CAAP1: variants seen among roughly 807,000 people sequenced by gnomAD.
CAAP1 encodes caspase activity and apoptosis inhibitor 1.
In CAAP1, 20 loss-of-function variants were observed where a neutral mutation model predicts 34.0. The observed-to-expected ratio is 0.59, with a 90% CI of 0.41 to 0.86. CAAP1 has a LOEUF of 0.86. Among genes scored for constraint, CAAP1 ranks in the 40% least tolerant of loss-of-function variants. The pLI is 0.00. For synonymous variants in CAAP1, 213 were observed against 166.7 expected (o/e 1.28, Z -2.14); for missense variants, 538 against 450.5 (o/e 1.19, Z -1.76).
intron 4 of CAAP1, among the ~76,000 whole-genome samples, chr9:26,862,379 T>C (rs17694127): frequency 0.069 from 10,555 of 152,050 alleles, 406 homozygotes; most frequent in Middle Eastern, 0.15. Context: ...TAGAATTGCA[T>C]TTAATTATTC....
At chr9:26,881,894 G>T (rs948808972) in intron 4 of CAAP1, among the ~76,000 whole-genome samples, 1 of 152,128 alleles carries the variant, frequency 6.6e-6, no homozygotes, top group Non-Finnish European at 1.5e-5. Flanking sequence ...TCCAGGGTGT[G>T]GTGGTTCCAG....
In CAAP1 at chr9:26,886,195, GA is replaced by G; in HGVS notation, c.505-8del. Reference sequence around the variant, plus strand: ...TTTCTTCTATTGAACAGTTCTAAAGGAAATGACATTTTAAAAAAATGCATTT... The same window carrying G: ...TTTCTTCTATTGAACAGTTCTAAAGGAATGACATTTTAAAAAAATGCATTT... On this transcript the variant is annotated splice_polypyrimidine_tract_variant and splice_region_variant and intron_variant, in intron 2 of 5. Coordinates refer to ENST00000333916, the MANE Select transcript of CAAP1 (RefSeq NM_024828.4). 7.1e-7 allele frequency: 1 copy of G among 1,412,380 alleles called. No homozygotes were observed. The highest frequency in any genetic ancestry group is 1.7e-5 in the South Asian group (1 of 58,606). The allele number at this position is 1,412,380 out of a possible 1,614,324, so 87.5% of individuals were successfully genotyped here. A position where few individuals can be genotyped will look rare whatever the true frequency, so the allele number is the denominator to read the frequency against.
At chr9:26,882,287 C>T (rs1368262414) in intron 4 of CAAP1, among the ~76,000 whole-genome samples, 1 of 152,136 alleles carries the variant, frequency 6.6e-6, no homozygotes, top group East Asian at 1.9e-4. Flanking sequence ...CATGGCAGTC[C>T]CTCCCATCAC....
chr9:26,849,891 T>G (rs1445128792), intron 5 of CAAP1, among the ~76,000 whole-genome samples: 1 of 151,488 alleles, frequency 6.6e-6, no homozygotes, highest in Non-Finnish European at 1.5e-5. Flanking sequence ...CAGGCTGGAG[T>G]GCAGTGGCAT....
At chr9:26,862,634 G>T (rs1823028857) in intron 4 of CAAP1, among the ~76,000 whole-genome samples, 1 of 152,014 alleles carries the variant, frequency 6.6e-6, no homozygotes, top group Non-Finnish European at 1.5e-5. Flanking sequence ...AAAGGCTGTG[G>T]ATCTACTCCA....
intron 4 of CAAP1, among the ~76,000 whole-genome samples, chr9:26,870,925 A>G (rs368296632): frequency 6.6e-6 from 1 of 152,080 alleles, no homozygotes; most frequent in Non-Finnish European, 1.5e-5. Context: ...CCGCAGGTCT[A>G]TATTTTTGAT....
At chr9:26,856,132 G>GT (rs1259330706) in intron 5 of CAAP1, among the ~76,000 whole-genome samples, 1 of 149,812 alleles carries the variant, frequency 6.7e-6, no homozygotes, top group South Asian at 2.1e-4. Flanking sequence ...TTTAAAAGGG[G>GT]GGGGGTAGAA....
chr9:26,855,619 T>C (rs1163478465), intron 5 of CAAP1, among the ~76,000 whole-genome samples: 5 of 152,180 alleles, frequency 3.3e-5, no homozygotes, highest in African/African-American at 9.6e-5. Flanking sequence ...TAATAAAAAA[T>C]AAAATGTAAG....
At chr9:26,874,206 CAAAAAA>C (rs34601727) in intron 4 of CAAP1, among the ~76,000 whole-genome samples, 1 of 53,236 alleles carries the variant, frequency 1.9e-5, no homozygotes, top group South Asian at 6.9e-4. Context: ...GACTCTGTCT[CAAAAAA>C]AAAAAAAAAA....
In CAAP1 at chr9:26,862,398, A is replaced by C. The variant is rs1473834509; in HGVS notation, c.666-1259T>G. Reference sequence around the variant, plus strand: ...ATTGCATTTAATTATTCTTCTAAACATACACATCTAAATTTACAAAAAAAA... The same window carrying C: ...ATTGCATTTAATTATTCTTCTAAACCTACACATCTAAATTTACAAAAAAAA... On this transcript the variant is annotated intron_variant, in intron 4 of 5. Transcript: ENST00000333916. Among the ~76,000 whole-genome samples the C allele has an allele frequency of 2.6e-5, 4 of 151,596 alleles. No homozygotes were observed. In the East Asian group the frequency reaches 7.7e-4, roughly 29 times the overall value.
At chr9:26,880,952 A>C (rs1806196304) in intron 4 of CAAP1, among the ~76,000 whole-genome samples, 1 of 152,214 alleles carries the variant, frequency 6.6e-6, no homozygotes, top group South Asian at 2.1e-4. Context: ...CTGTGATTAC[A>C]GGCATAAGCA....
At chr9:26,859,931 G>A (rs1458528571) in intron 5 of CAAP1, among the ~76,000 whole-genome samples, 4 of 152,048 alleles carry the variant, frequency 2.6e-5, no homozygotes, top group Middle Eastern at 3.2e-3. Flanking sequence ...CACTAAATTC[G>A]CTGTCTAACC....
intron 1 of CAAP1, among the ~76,000 whole-genome samples, chr9:26,889,580 C>T (rs1462589798): frequency 6.6e-6 from 1 of 151,978 alleles, no homozygotes; most frequent in Non-Finnish European, 1.5e-5. Context: ...CTCGGCCGGG[C>T]AGAGTGGCTC....
Position 26,841,858 on chromosome 9 carries a change from A to T in CAAP1, c.*443T>A, listed in dbSNP as rs1004362217. ...TCTTCAAAATAGTATATATTTAAAAAGTGCATATAAGCAAAACTAAATTTC... is the reference window on the plus strand; with the variant it reads ...TCTTCAAAATAGTATATATTTAAAATGTGCATATAAGCAAAACTAAATTTC... On this transcript the variant is annotated 3_prime_UTR_variant, in exon 6 of 6. Coordinates refer to ENST00000333916, the MANE Select transcript of CAAP1 (RefSeq NM_024828.4). 1 of 152,468 alleles carries T rather than the reference A, an allele frequency of 6.6e-6. No homozygotes were observed. Among genetic ancestry groups the T allele is most frequent in the African/African-American group, 2.4e-5 (1 of 41,470 alleles). 9.4% of individuals were successfully genotyped at this position (152,468 alleles called of 1,614,324 possible). A position where few individuals can be genotyped will look rare whatever the true frequency, so the allele number is the denominator to read the frequency against.
At chr9:26,875,176 G>T (rs569413169) in intron 4 of CAAP1, among the ~76,000 whole-genome samples, 6 of 152,298 alleles carry the variant, frequency 3.9e-5, no homozygotes, top group Non-Finnish European at 7.4e-5. Flanking sequence ...CTCGAGGTCA[G>T]GGGTTCAAGA....
chr9:26,860,860 G>A (rs1822987290), intron 5 of CAAP1, among the ~76,000 whole-genome samples: 1 of 151,970 alleles, frequency 6.6e-6, no homozygotes, highest in Admixed American at 6.6e-5. Context: ...GATAATTCTG[G>A]TGGCTTCTGT....
intron 4 of CAAP1, among the ~76,000 whole-genome samples, chr9:26,868,935 T>G (rs1177336929): frequency 6.6e-6 from 1 of 152,236 alleles, no homozygotes; most frequent in Non-Finnish European, 1.5e-5. Context: ...CGGGAAAATC[T>G]GAATATGAAA....
At chr9:26,862,125 C>T (rs975990923) in intron 4 of CAAP1, among the ~76,000 whole-genome samples, 5 of 152,078 alleles carry the variant, frequency 3.3e-5, no homozygotes, top group Non-Finnish European at 7.4e-5. Context: ...ATACTTCTGT[C>T]CAAAGTCACC....
At chr9:26,844,767 T>C (rs1299746141) in intron 5 of CAAP1, among the ~76,000 whole-genome samples, 1 of 152,236 alleles carries the variant, frequency 6.6e-6, no homozygotes, top group Non-Finnish European at 1.5e-5. Flanking sequence ...CTGATGAGAA[T>C]ACTCTTGATT....
Sources: gnomAD v4.1 joint callset for allele counts (sites outside exome capture counted in the v4.1 genomes callset) on GRCh38, gnomAD v4.1.1 for gene constraint, MANE v1.5 for transcripts, NCBI Gene and HGNC (gene_info 2026-07-23, HGNC 2026-07-21) for gene names.